The following PBX1 variants were observed in gnomAD, a reference collection of about 807,000 sequenced individuals.
PBX1 encodes the protein PBX homeobox 1.
PBX1 carries 6 observed loss-of-function variants against 53.4 expected under a neutral mutation model. That is an observed-to-expected ratio of 0.11 (90% CI 0.06 to 0.22). The LOEUF is 0.22. PBX1 is among the 10% of genes least tolerant of loss of function. The pLI is 1.00. For synonymous variants in PBX1, 204 were observed against 212.3 expected, an observed-to-expected ratio of 0.96 and a Z score of 0.34; for missense variants, 251 against 551.4, an observed-to-expected ratio of 0.46 and a Z score of 5.46.
chr1:164,704,661 G>C (rs1161352355), intron 2 of PBX1, among the ~76,000 whole-genome samples: 4 of 151,874 alleles, frequency 2.6e-5, no homozygotes, highest in African/African-American at 9.7e-5. Context: ...AGGACTCTAT[G>C]TACCAGATGT....
chr1:164,580,684 C>G (rs900140333), intron 2 of PBX1, among the ~76,000 whole-genome samples: 4 of 152,130 alleles, frequency 2.6e-5, no homozygotes, highest in African/African-American at 9.7e-5. Flanking sequence ...TCAAGCGATT[C>G]TCCTGCCTCA....
At chr1:164,617,727 G>A (rs1002890343) in intron 2 of PBX1, among the ~76,000 whole-genome samples, 2 of 152,162 alleles carry the variant, frequency 1.3e-5, no homozygotes, top group African/African-American at 4.8e-5. Flanking sequence ...TCTTAAAAAT[G>A]TACTTGCTTT....
intron 2 of PBX1, among the ~76,000 whole-genome samples, chr1:164,740,038 T>C (rs1479206094): frequency 1.3e-5 from 2 of 152,180 alleles, no homozygotes; most frequent in African/African-American, 4.8e-5. Context: ...GTAGGCAAGA[T>C]AGGTTACACC....
chr1:164,688,403 C>T (rs1341158350), intron 2 of PBX1, among the ~76,000 whole-genome samples: 1 of 152,124 alleles, frequency 6.6e-6, no homozygotes, highest in Non-Finnish European at 1.5e-5. Flanking sequence ...AATAAAGTTG[C>T]AGGTGCTGTC....
At chr1:164,721,725 C>T (rs1308067454) in intron 2 of PBX1, among the ~76,000 whole-genome samples, 1 of 152,154 alleles carries the variant, frequency 6.6e-6, no homozygotes, top group Non-Finnish European at 1.5e-5. Context: ...GCCTGTGGCT[C>T]CTCCTTCTCG....
intron 2 of PBX1, among the ~76,000 whole-genome samples, chr1:164,757,588 C>T (rs1442225342): frequency 6.6e-6 from 1 of 152,170 alleles, no homozygotes; most frequent in Non-Finnish European, 1.5e-5. Context: ...ATTCTATTAT[C>T]CCTTTAACAT....
At position 164,847,335 on chromosome 1, in the gene PBX1, C is replaced by T. The variant is rs3738195; in HGVS notation, c.*659C>T. 55 of 1,064,972 alleles carry T rather than the reference C, an allele frequency of 5.2e-5. No homozygotes were observed. In the East Asian group the frequency reaches 2.7e-3, roughly 53 times the overall value. The allele number at this position is 1,064,972 out of a possible 1,614,324, so 66.0% of individuals were successfully genotyped here. ...CATAGCTGGGATTCTAAAGGTGCCA[C>T]ATTTTTCAGTTTCATCTCCACTAGG... On this transcript the variant is annotated 3_prime_UTR_variant, in exon 9 of 9. Coordinates refer to ENST00000420696, the MANE Select transcript of PBX1 (RefSeq NM_002585.4).
At chr1:164,621,779 C>G (rs559597095) in intron 2 of PBX1, among the ~76,000 whole-genome samples, 1 of 152,234 alleles carries the variant, frequency 6.6e-6, no homozygotes, top group South Asian at 2.1e-4. Flanking sequence ...TGTAAGAGTT[C>G]CAAGTGCACA....
chr1:164,753,392 A>G (rs1307201572), intron 2 of PBX1, among the ~76,000 whole-genome samples: 2 of 152,166 alleles, frequency 1.3e-5, no homozygotes, highest in African/African-American at 2.4e-5. Context: ...AAGCAGGGCT[A>G]TTTAATTCTC....
Position 164,833,159 on chromosome 1 carries a change from G to T in PBX1, c.1200+11533G>T, listed in dbSNP as rs1307389179. Among the ~76,000 whole-genome samples the T allele has an allele frequency of 4.6e-5, 7 of 151,682 alleles. No homozygotes were observed. In the South Asian group the frequency reaches 1.5e-3, roughly 32 times the overall value. ...TAAGCAAAAAAAAGTTCAGAGAAGG[G>T]AAAGCCAGGCATCAGGGCAATAACC... On this transcript the variant is annotated intron_variant, in intron 8 of 8. Transcript: ENST00000420696.
chr1:164,781,603 A>G (rs1455871829), intron 2 of PBX1, among the ~76,000 whole-genome samples: 3 of 152,026 alleles, frequency 2.0e-5, no homozygotes, highest in Non-Finnish European at 4.4e-5. Flanking sequence ...TGGTTTCCAT[A>G]TACAGCCACT....
At chr1:164,803,021 A>G (rs187605845) in intron 4 of PBX1, among the ~76,000 whole-genome samples, 2 of 152,308 alleles carry the variant, frequency 1.3e-5, no homozygotes, top group African/African-American at 2.4e-5. Context: ...CTTCACTGCA[A>G]TAGAGGGGAT....
chr1:164,585,987 C>A (rs1654926971), intron 2 of PBX1, among the ~76,000 whole-genome samples: 1 of 152,176 alleles, frequency 6.6e-6, no homozygotes, highest in African/African-American at 2.4e-5. Flanking sequence ...AGATATTCAA[C>A]AAATGGCTTT....
chr1:164,591,359 G>A (rs1655365013), intron 2 of PBX1, among the ~76,000 whole-genome samples: 2 of 152,208 alleles, frequency 1.3e-5, no homozygotes, highest in African/African-American at 4.8e-5. Context: ...AAAAATTTTG[G>A]AATCAAGGGA....
chr1:164,756,611 C>T (rs540820810), intron 2 of PBX1, among the ~76,000 whole-genome samples: 51 of 152,200 alleles, frequency 3.4e-4, no homozygotes, highest in Non-Finnish European at 6.3e-4. Flanking sequence ...AGAATGGAAG[C>T]CTATATCATG....
At chr1:164,585,812 A>G (rs952344965) in intron 2 of PBX1, among the ~76,000 whole-genome samples, 3 of 152,156 alleles carry the variant, frequency 2.0e-5, no homozygotes, top group East Asian at 3.9e-4. Context: ...TGGGTTGTAA[A>G]CTTTTTCTTT....
intron 2 of PBX1, among the ~76,000 whole-genome samples, chr1:164,602,025 G>C (rs1478542197): frequency 6.6e-6 from 1 of 152,170 alleles, no homozygotes; most frequent in African/African-American, 2.4e-5. Context: ...AAAGTTGTTA[G>C]TTAAAAGGTA....
At chr1:164,832,758 G>T (rs897413513) in intron 8 of PBX1, among the ~76,000 whole-genome samples, 1 of 152,076 alleles carries the variant, frequency 6.6e-6, no homozygotes, top group African/African-American at 2.4e-5. Context: ...AATAAAATTG[G>T]CAGGAGAGTG....
Position 164,751,580 on chromosome 1 carries a change from C to CTTT in PBX1, c.266-40914_266-40913insTTT, listed in dbSNP as rs776504167. ...TCAAATGTAATGGGTTTATTGCCCC[C>CTTT]CTTTTTTTTTTTTTTTTTTGAGACA... On this transcript the variant is annotated intron_variant, in intron 2 of 8. Transcript: ENST00000420696. Among the ~76,000 whole-genome samples, 301 of 142,020 alleles carry CTTT rather than the reference C, an allele frequency of 2.1e-3. 12 individuals carry two copies. Among genetic ancestry groups the CTTT allele is most frequent in the African/African-American group, 4.7e-3 (174 of 37,104 alleles). 93.2% of individuals were successfully genotyped at this position (142,020 alleles called of 152,430 possible). A position where few individuals can be genotyped will look rare whatever the true frequency, so the allele number is the denominator to read the frequency against.
Sources: allele counts gnomAD v4.1 joint callset (sites outside exome capture counted in the v4.1 genomes callset), GRCh38; gene constraint gnomAD v4.1.1; transcripts MANE v1.5; gene names NCBI Gene and HGNC (gene_info 2026-07-23, HGNC 2026-07-21).